Variants in SEMA5A observed in about 807,000 individuals in gnomAD.
SEMA5A encodes the protein semaphorin-5A.
Under a neutral mutation model 135.5 loss-of-function variants are expected in SEMA5A, and 55 were observed. That is an observed-to-expected ratio of 0.41 (90% confidence interval 0.33 to 0.51). The LOEUF is 0.51. SEMA5A is among the 20% of genes least tolerant of loss of function. The probability of loss-of-function intolerance (pLI) is 0.37; values close to 1 mark genes in which losing one functional copy is unlikely to be tolerated. For synonymous variants in SEMA5A, 580 were observed against 546.5 expected (o/e 1.06, Z -0.85); for missense variants, 1,290 against 1,419.9 (o/e 0.91, Z 1.47).
At chr5:9,463,570 T>C (rs193261067) in intron 1 of SEMA5A, among the ~76,000 whole-genome samples, 23 of 152,068 alleles carry the variant, frequency 1.5e-4, no homozygotes, top group Non-Finnish European at 2.8e-4. Context: ...ATCTAAACCA[T>C]AAAAAAACTC....
intron 3 of SEMA5A, among the ~76,000 whole-genome samples, chr5:9,349,211 C>A (rs1316338692): frequency 6.6e-6 from 1 of 152,172 alleles, no homozygotes; most frequent in African/African-American, 2.4e-5. Flanking sequence ...CACATCGGAA[C>A]TAGAACATAT....
chr5:9,192,491 C>T (rs888239696), intron 10 of SEMA5A, among the ~76,000 whole-genome samples: 2 of 151,956 alleles, frequency 1.3e-5, no homozygotes, highest in African/African-American at 4.8e-5. Context: ...ATTCTATGGT[C>T]TGTTGAGCTT....
chr5:9,159,026 T>C (rs1374371687), intron 11 of SEMA5A, among the ~76,000 whole-genome samples: 1 of 152,182 alleles, frequency 6.6e-6, no homozygotes, highest in East Asian at 1.9e-4. Context: ...TATCTGAAAT[T>C]CAAATTTAAG....
At position 9,279,121 on chromosome 5, in the gene SEMA5A, C is replaced by T. The variant is rs181769075; in HGVS notation, c.270+39251G>A. On this transcript the variant is annotated intron_variant, in intron 5 of 22. Coordinates refer to ENST00000382496, the MANE Select transcript of SEMA5A (RefSeq NM_003966.3). ...CCAGCCCATGAAAGCAGCCAAGGGG[C>T]GTGTACCCTGCAAAGCCACAGGGGC... Among the ~76,000 whole-genome samples the T allele has an allele frequency of 2.4e-4, 36 of 152,344 alleles. No homozygotes were observed. The East Asian group carries it at 4.4e-3, about 19-fold the overall frequency.
At chr5:9,358,133 C>G (rs1330348054) in intron 3 of SEMA5A, among the ~76,000 whole-genome samples, 1 of 152,130 alleles carries the variant, frequency 6.6e-6, no homozygotes, top group Non-Finnish European at 1.5e-5. Context: ...TTTGGACCCT[C>G]CATACCTCTC....
intron 2 of SEMA5A, among the ~76,000 whole-genome samples, chr5:9,421,367 G>C (rs1252236694): frequency 6.6e-6 from 1 of 152,112 alleles, no homozygotes; most frequent in African/African-American, 2.4e-5. Context: ...TACTTGATTG[G>C]TACACATTCA....
At chr5:9,104,115 C>A (rs1239265982) in intron 16 of SEMA5A, among the ~76,000 whole-genome samples, 7 of 152,120 alleles carry the variant, frequency 4.6e-5, no homozygotes, top group Non-Finnish European at 1.5e-5. Flanking sequence ...TCTATTTGTG[C>A]CCAGAGGACC....
At chr5:9,500,311 G>A (rs185175157) in intron 1 of SEMA5A, among the ~76,000 whole-genome samples, 60 of 152,260 alleles carry the variant, frequency 3.9e-4, no homozygotes, top group African/African-American at 1.3e-3. Context: ...ATGGTGGGGC[G>A]GATGTCATCC....
intron 12 of SEMA5A, among the ~76,000 whole-genome samples, chr5:9,149,556 A>AT (rs1742520346): frequency 6.6e-6 from 1 of 152,244 alleles, no homozygotes; most frequent in African/African-American, 2.4e-5. Flanking sequence ...AGGCAGGAGA[A>AT]TAACTTGAAC....
intron 1 of SEMA5A, among the ~76,000 whole-genome samples, chr5:9,514,497 A>C (rs1434904922): frequency 2.0e-5 from 3 of 152,194 alleles, no homozygotes; most frequent in Non-Finnish European, 4.4e-5. Flanking sequence ...TCCCCATACC[A>C]AAATCCACAG....
chr5:9,509,833 C>T (rs76297782), intron 1 of SEMA5A, among the ~76,000 whole-genome samples: 1,584 of 152,242 alleles, frequency 0.01, 21 homozygotes, highest in African/African-American at 0.035. Context: ...CTACCATATG[C>T]CACCCCCTCT....
chr5:9,284,525 TC>T (rs1305833282), intron 5 of SEMA5A, among the ~76,000 whole-genome samples: 1 of 152,216 alleles, frequency 6.6e-6, no homozygotes, highest in Non-Finnish European at 1.5e-5. Context: ...CATAATTACT[TC>T]CATTCCTTTT....
At chr5:9,043,251 T>C (rs1736060091) in intron 22 of SEMA5A, 4 of 395,118 alleles carry the variant, frequency 1.0e-5, no homozygotes, top group Non-Finnish European at 1.8e-5. Context: ...TCAACTTTAG[T>C]TATGAAGTTA....
chr5:9,082,471 T>G (rs1242607685), intron 16 of SEMA5A, among the ~76,000 whole-genome samples: 1 of 152,190 alleles, frequency 6.6e-6, no homozygotes, highest in Non-Finnish European at 1.5e-5. Context: ...AGAAGCGGGC[T>G]AATCAGTCTA....
rs1335022141 is a variant in SEMA5A, at chr5:9,221,324, A to G, written c.646+3350T>C. Among the ~76,000 whole-genome samples the G allele has an allele frequency of 2.4e-5, 3 of 125,206 alleles. No individual in the cohort carries two copies. In the Admixed American group the frequency reaches 2.8e-4, roughly 12 times the overall value. 82.1% of individuals were successfully genotyped at this position (125,206 alleles called of 152,430 possible). Reference sequence around the variant, plus strand: ...CTTTTTTTTTTTTTTTTTTTTTGAGACGGAGTCTCGCTGTGTCACCCAGGC... The same window carrying G: ...CTTTTTTTTTTTTTTTTTTTTTGAGGCGGAGTCTCGCTGTGTCACCCAGGC... On this transcript the variant is annotated intron_variant, in intron 8 of 22. Transcript: ENST00000382496.
chr5:9,315,766 T>C (rs749015523), intron 5 of SEMA5A, among the ~76,000 whole-genome samples: 4 of 152,194 alleles, frequency 2.6e-5, no homozygotes, highest in Non-Finnish European at 5.9e-5. Context: ...ATCACTGAAC[T>C]CTGTCCCATT....
intron 5 of SEMA5A, among the ~76,000 whole-genome samples, chr5:9,286,156 C>G (rs1229221711): frequency 1.3e-5 from 2 of 152,150 alleles, no homozygotes; most frequent in East Asian, 1.9e-4. Flanking sequence ...ACCATATTGA[C>G]TAAATATACT....
chr5:9,474,295 G>C (rs982926930), intron 1 of SEMA5A, among the ~76,000 whole-genome samples: 1 of 152,024 alleles, frequency 6.6e-6, no homozygotes, highest in Admixed American at 6.6e-5. Flanking sequence ...GTGTGGGGTG[G>C]GGGTGTGCCT....
Position 9,266,030 on chromosome 5 carries a change from C to A in SEMA5A, c.271-28140G>T, listed in dbSNP as rs566353052. 4.6e-5 allele frequency among the ~76,000 whole-genome samples: 7 copies of A among 152,332 alleles called. No homozygotes were observed. In the South Asian group the frequency reaches 1.4e-3, roughly 32 times the overall value. On this transcript the variant is annotated intron_variant, in intron 5 of 22. Transcript: ENST00000382496. ...TTCTCCCACTTACCGCGAAAAAATC[C>A]ATTTATCTCACATTTCCCAATCTGT...
Sources: allele counts gnomAD v4.1 joint callset (sites outside exome capture counted in the v4.1 genomes callset), GRCh38; gene constraint gnomAD v4.1.1; transcripts MANE v1.5; gene names NCBI Gene and HGNC (gene_info 2026-07-23, HGNC 2026-07-21).